Variants in CNDP2 observed in about 807,000 individuals in gnomAD.
CNDP2 encodes carnosine dipeptidase 2.
A neutral mutation model predicts 55.0 loss-of-function variants in CNDP2; 38 were observed. That is an observed-to-expected ratio of 0.69 (90% CI 0.53 to 0.90). The LOEUF (loss-of-function observed/expected upper bound fraction) is 0.90, where lower values mean the gene tolerates loss of function less well. Among genes scored for constraint, CNDP2 ranks in the 40% least tolerant of loss-of-function variants. The pLI, the probability that CNDP2 is intolerant of heterozygous loss-of-function variation, is 0.00. For synonymous variants in CNDP2, 241 were observed against 260.2 expected (o/e 0.93, Z 0.71); for missense variants, 607 against 621.7 (o/e 0.98, Z 0.25).
At chr18:74,497,203 G>A (rs1401693197) in intron 1 of CNDP2, among the ~76,000 whole-genome samples, 2 of 152,168 alleles carry the variant, frequency 1.3e-5, no homozygotes, top group African/African-American at 4.8e-5. Context: ...CCCGGGGCCT[G>A]CTACCAATAC....
intron 6 of CNDP2, chr18:74,512,228 G>T (rs928291107): frequency 3.9e-6 from 2 of 517,432 alleles, no homozygotes; most frequent in Admixed American, 3.5e-5. Flanking sequence ...TAGTGTTACC[G>T]TCTTATCTGT....
At chr18:74,500,717 G>A (rs773937691) in intron 2 of CNDP2, among the ~76,000 whole-genome samples, 1 of 152,228 alleles carries the variant, frequency 6.6e-6, no homozygotes, top group African/African-American at 2.4e-5. Context: ...AGTTGTAGAA[G>A]GAAGGGCTTT....
chr18:74,503,022 A>G (rs1271826831), intron 3 of CNDP2, among the ~76,000 whole-genome samples: 1 of 149,550 alleles, frequency 6.7e-6, no homozygotes, highest in Non-Finnish European at 1.5e-5. Flanking sequence ...GACTAAACCA[A>G]GTTTCTTCAT....
At chr18:74,516,166 G>A in intron 8 of CNDP2, 62 bp from the exon 9 acceptor site, 2 of 1,510,194 alleles carry the variant, frequency 1.3e-6, no homozygotes, top group Non-Finnish European at 1.8e-6. Flanking sequence ...CAGCTCCTCG[G>A]TGAGCAGACA....
Position 74,508,906 on chromosome 18 carries a change from A to G in CNDP2, c.434A>G (p.Glu145Gly). ...GPVAGWINAL[E>G]AYQKTGQEIP... ...GTGGCCGGCTGGATAAACGCCCTGG[A>G]AGCGTATCAGAAAACAGGCCAGGTA... is the stretch of plus-strand genomic sequence containing the variant. The change falls in exon 5 of 12, where the codon GAA becomes GGA. Residue 145 changes from glutamate (E) to glycine (G), a missense_variant. Physicochemically the swap from Glu to Gly is moderately conservative, Grantham distance 98. Coordinates refer to ENST00000324262, the MANE Select transcript of CNDP2 (RefSeq NM_018235.3). 6.2e-7 allele frequency: 1 copy of G among 1,614,052 alleles called. No individual in the cohort carries two copies. The highest frequency in any genetic ancestry group is 8.5e-7 in the Non-Finnish European group (1 of 1,180,008).
intron 3 of CNDP2, 143 bp downstream of exon 3, chr18:74,501,615 A>T (rs1275603169): frequency 2.7e-6 from 3 of 1,109,282 alleles, no homozygotes; most frequent in African/African-American, 1.6e-5. Context: ...CCTGATTTGG[A>T]TGGTAAGTTC....
At chr18:74,518,922 C>T (rs754596067) in intron 10 of CNDP2, 27 bp from the exon 11 acceptor site, 84 of 1,584,774 alleles carry the variant, frequency 5.3e-5, no homozygotes, top group Non-Finnish European at 4.3e-5. Flanking sequence ...CAAAGCTCAC[C>T]GTTTATTTTA....
intron 2 of CNDP2, among the ~76,000 whole-genome samples, chr18:74,500,401 C>T (rs1978626152): frequency 6.6e-6 from 1 of 152,198 alleles, no homozygotes; most frequent in Non-Finnish European, 1.5e-5. Context: ...ATTCTTCGTA[C>T]ATACATTACA....
At chr18:74,506,159 A>T in intron 4 of CNDP2, 148 bp downstream of exon 4, 1 of 704,684 alleles carries the variant, frequency 1.4e-6, no homozygotes, top group Non-Finnish European at 2.0e-6. Flanking sequence ...TTTGAGACAG[A>T]GTCTCACTCT....
intron 5 of CNDP2, 119 bp downstream of exon 5, chr18:74,509,047 C>T (rs1979197514): frequency 2.5e-6 from 2 of 792,858 alleles, no homozygotes. Flanking sequence ...GACAAGCGTC[C>T]CCCAGCCCTT....
At chr18:74,509,171 G>A (rs766614315) in intron 5 of CNDP2, 46 of 485,312 alleles carry the variant, frequency 9.5e-5, no homozygotes, top group Non-Finnish European at 1.5e-4. Context: ...GCGACTCAGC[G>A]TGATTTTTGC....
chr18:74,510,731 T>G, intron 5 of CNDP2, 82 bp from the exon 6 acceptor site: 3 of 1,220,876 alleles, frequency 2.5e-6, no homozygotes, highest in Non-Finnish European at 3.5e-6. Context: ...GCCGGAGATG[T>G]GAAATATGTA....
intron 9 of CNDP2, chr18:74,517,869 C>T (rs555451385): frequency 4.2e-4 from 64 of 152,292 alleles, no homozygotes; most frequent in African/African-American, 1.4e-3. Flanking sequence ...TGTTTTTAAA[C>T]TTAATTTAAA....
chr18:74,516,593 T>C (rs911592068), intron 9 of CNDP2: 8 of 607,422 alleles, frequency 1.3e-5, no homozygotes, highest in Admixed American at 3.5e-5. Context: ...CCTTTGTTAC[T>C]GATGAGGCAG....
rs1395976364 is a variant in CNDP2 at position 74,511,015 on chromosome 18, T to G, written c.657+2T>G. 2 of 1,613,242 alleles carry G rather than the reference T, an allele frequency of 1.2e-6. No individual in the cohort carries two copies. Among genetic ancestry groups the G allele is most frequent in the Non-Finnish European group, 1.7e-6 (2 of 1,179,536 alleles). On this transcript the variant is annotated splice_donor_variant, in intron 6 of 11. Coordinates refer to ENST00000324262, the MANE Select transcript of CNDP2 (RefSeq NM_018235.3). LOFTEE classifies it high-confidence loss of function. ...GGCATTTGCTACTTTTTCATCGAGG[T>G]ACAGTGCCAAGCTGTACGGGTCACT...
At chr18:74,511,404 C>T (rs957951081) in intron 6 of CNDP2, among the ~76,000 whole-genome samples, 3 of 152,084 alleles carry the variant, frequency 2.0e-5, no homozygotes, top group Non-Finnish European at 4.4e-5. Flanking sequence ...CTAAGTGACG[C>T]ACGGGAAAAA....
Position 74,518,711 on chromosome 18 carries a change from C to A in CNDP2, c.1210+71C>A, listed in dbSNP as rs142159845. The A allele has an allele frequency of 5.8e-3, 9,315 of 1,594,882 alleles. 51 individuals carry two copies. The highest frequency in any genetic ancestry group is 6.1e-3 in the South Asian group (548 of 90,302). ...CGTCTGACAGGACTCTGCTATATCGCGTGGGCGTGTAGCTATGTCGGGGGC... is the reference window on the plus strand; with the variant it reads ...CGTCTGACAGGACTCTGCTATATCGAGTGGGCGTGTAGCTATGTCGGGGGC... On this transcript the variant is annotated intron_variant, in intron 10 of 11. Coordinates refer to ENST00000324262, the MANE Select transcript of CNDP2 (RefSeq NM_018235.3).
At position 74,501,474 on chromosome 18, in the gene CNDP2, TAGG is replaced by T; in HGVS notation, c.204+6_204+8del. ...CTGGTGGATATCGGAAAACAAAAGGTAGGAGGCAACATTCTTTGCATTGCAGGA... is the reference window on the plus strand; with the variant it reads ...CTGGTGGATATCGGAAAACAAAAGGTAGGCAACATTCTTTGCATTGCAGGA... On this transcript the variant is annotated splice_donor_5th_base_variant and intron_variant, in intron 3 of 11. Coordinates refer to ENST00000324262, the MANE Select transcript of CNDP2 (RefSeq NM_018235.3). 1 of 1,612,562 alleles carries T rather than the reference TAGG, an allele frequency of 6.2e-7. No homozygotes were observed. Among genetic ancestry groups the T allele is most frequent in the Non-Finnish European group, 8.5e-7 (1 of 1,179,258 alleles).
chr18:74,504,320 C>T (rs1199590790), intron 3 of CNDP2, among the ~76,000 whole-genome samples: 2 of 151,684 alleles, frequency 1.3e-5, no homozygotes, highest in African/African-American at 2.4e-5. Context: ...AAATGAGGGG[C>T]GTCAGGCCAT....
Sources: gnomAD v4.1 joint callset for allele counts (sites outside exome capture counted in the v4.1 genomes callset) on GRCh38, gnomAD v4.1.1 for gene constraint, MANE v1.5 for transcripts, NCBI Gene and HGNC (gene_info 2026-07-23, HGNC 2026-07-21) for gene names.